The following RACK1 variants were observed in gnomAD, a reference collection of about 807,000 sequenced individuals.
RACK1 encodes receptor for activated C kinase 1, also known as small ribosomal subunit protein RACK1.
A neutral mutation model predicts 42.2 loss-of-function variants in RACK1; 3 were observed. That is an observed-to-expected ratio of 0.07 (90% CI 0.03 to 0.18). RACK1 has a LOEUF of 0.18. RACK1 is among the 10% of genes least tolerant of loss of function. The pLI, the probability that RACK1 is intolerant of heterozygous loss-of-function variation, is 1.00. For missense variants in RACK1, 146 were observed against 403.2 expected (o/e 0.36, Z 5.46); for synonymous variants, 181 against 154.8 (o/e 1.17, Z -1.25).
intron 1 of RACK1, 152 bp downstream of exon 1, chr5:181,243,540 A>T: frequency 7.2e-7 from 1 of 1,390,800 alleles, no homozygotes; most frequent in Non-Finnish European, 9.7e-7. Flanking sequence ...TCGGGTCCGC[A>T]CGCCCCAATT....
At chr5:181,240,788 A>G (rs1759314074) in intron 3 of RACK1, among the ~76,000 whole-genome samples, 1 of 152,212 alleles carries the variant, frequency 6.6e-6, no homozygotes, top group African/African-American at 2.4e-5. Flanking sequence ...TTGGCCTACC[A>G]GAGAGCTAGG....
rs750541644 is a variant in RACK1 at position 181,239,060 on chromosome 5, C to T, written c.636+7G>A. 2 of 1,593,368 alleles carry T rather than the reference C, an allele frequency of 1.3e-6. No homozygotes were observed. The highest frequency in any genetic ancestry group is 1.1e-5 in the South Asian group (1 of 90,640). On this transcript the variant is annotated splice_region_variant and intron_variant, in intron 5 of 7. Coordinates refer to ENST00000512805, the MANE Select transcript of RACK1 (RefSeq NM_006098.5). The stretch of plus-strand genomic sequence containing the variant: ...CACTGAGTAGGAGACGCCTTGTCCC[C>T]AAATACCTTGCCTCCAGAAGCACAG...
intron 1 of RACK1, chr5:181,243,214 G>C: frequency 2.4e-6 from 3 of 1,245,678 alleles, no homozygotes; most frequent in Non-Finnish European, 2.1e-6. Flanking sequence ...CACAGGGATA[G>C]GGACGGGGAG....
In RACK1 at chr5:181,239,310, C is replaced by T. The variant is rs141896951; in HGVS notation, c.526-133G>A. 3.8e-3 allele frequency: 2,934 copies of T among 766,768 alleles called. 28 individuals carry two copies. Among genetic ancestry groups the T allele is most frequent in the African/African-American group, 0.02 (1,172 of 59,018 alleles). The allele number at this position is 766,768 out of a possible 1,614,324, so 47.5% of individuals were successfully genotyped here. A position where few individuals can be genotyped will look rare whatever the true frequency, so the allele number is the denominator to read the frequency against. On this transcript the variant is annotated intron_variant, in intron 4 of 7. Transcript: ENST00000512805. ...TCAGTAACATGTCCTGGCCACTTCA[C>T]GTTAGATTATAACACATATCCAATG...
chr5:181,241,895 C>CT, intron 2 of RACK1: 1 of 766,576 alleles, frequency 1.3e-6, no homozygotes. Context: ...CCAGGACCCT[C>CT]TAATTCCACC....
chr5:181,239,716 A>T lies in RACK1; in HGVS notation c.430-134T>A, dbSNP rs1759268574. The T allele has an allele frequency of 5.0e-6, 3 of 596,594 alleles. No homozygotes were observed. The South Asian group carries it at 6.1e-5, about 12-fold the overall frequency. The allele number at this position is 596,594 out of a possible 1,614,324, so 37.0% of individuals were successfully genotyped here. ...CCAAGAACCCAAACCTTTAAGCTCA[A>T]TAGAATCCCTTTAGATTCCAGACAA... On this transcript the variant is annotated intron_variant, in intron 3 of 7. Coordinates refer to ENST00000512805, the MANE Select transcript of RACK1 (RefSeq NM_006098.5).
At chr5:181,241,329 C>T (rs1288383189) in intron 3 of RACK1, 163 bp downstream of exon 3, 4 of 630,834 alleles carry the variant, frequency 6.3e-6, no homozygotes, top group Admixed American at 2.7e-5. Context: ...ACTCGGGAGA[C>T]TGAGGCACCA....
chr5:181,238,338 C>G, intron 5 of RACK1, 99 bp from the exon 6 acceptor site: 2 of 1,256,244 alleles, frequency 1.6e-6, no homozygotes, highest in Admixed American at 3.7e-5. Flanking sequence ...ACCTTTCCTC[C>G]ATTACCCCAG....
intron 2 of RACK1, 146 bp downstream of exon 2, chr5:181,242,028 G>T (rs965668700): frequency 8.6e-6 from 7 of 812,220 alleles, no homozygotes; most frequent in African/African-American, 1.7e-5. Context: ...TTTAAAGTGA[G>T]GGAGGCCAAA....
Position 181,239,597 on chromosome 5 carries a change from A to C in RACK1, c.430-15T>G. ...TGGCTCTCATCCTACAGAAGATGGA[A>C]AGGAAATTAGGGCAAACAGTCCTAT... On this transcript the variant is annotated splice_polypyrimidine_tract_variant and intron_variant, in intron 3 of 7. Coordinates refer to ENST00000512805, the MANE Select transcript of RACK1 (RefSeq NM_006098.5). The C allele has an allele frequency of 6.3e-7, 1 of 1,579,430 alleles. No individual in the cohort carries two copies. Among genetic ancestry groups the C allele is most frequent in the Non-Finnish European group, 8.7e-7 (1 of 1,148,704 alleles).
chr5:181,238,062 G>C (rs1243136919), intron 6 of RACK1, 37 bp downstream of exon 6: 1 of 1,609,040 alleles, frequency 6.2e-7, no homozygotes, highest in Non-Finnish European at 8.5e-7. Context: ...GGCTCAGAGT[G>C]CAGCCAGGTA....
chr5:181,240,819 C>G (rs1032343244), intron 3 of RACK1: 23 of 152,216 alleles, frequency 1.5e-4, no homozygotes, highest in African/African-American at 5.3e-4. Context: ...TGAGCCCAGC[C>G]CAGACAAGAC....
intron 3 of RACK1, 170 bp downstream of exon 3, chr5:181,241,322 C>A: frequency 3.3e-6 from 2 of 611,966 alleles, no homozygotes; most frequent in Non-Finnish European, 2.9e-6. Context: ...ACCAGCTACT[C>A]GGGAGACTGA....
chr5:181,237,762 G>T (rs1582292632), intron 6 of RACK1, 43 bp from the exon 7 acceptor site: 4 of 900,400 alleles, frequency 4.4e-6, no homozygotes, highest in Non-Finnish European at 6.5e-6. Context: ...TACCAATCAA[G>T]AGAGTCTCCT....
chr5:181,242,317 G>C lies in RACK1; in HGVS notation c.138C>G (p.Thr46=), dbSNP rs1367294715. The change falls in exon 2 of 8, where the codon ACC becomes ACG. Residue 46 remains threonine, a synonymous_variant. Transcript: ENST00000512805. ...GAATTCCATAGTTGGTCTCATCCCT[G>C]GTCAGTTTCCACATGATGATGGTCT... is the stretch of plus-strand genomic sequence containing the variant. ...RDKTIIMWKL[T]RDETNYGIPQ... is the part of the protein sequence containing the mutation. The C allele has an allele frequency of 1.9e-6, 3 of 1,613,566 alleles. No individual in the cohort carries two copies. The highest frequency in any genetic ancestry group is 1.1e-5 in the South Asian group (1 of 91,020).
chr5:181,239,940 G>A (rs1320934855), intron 3 of RACK1, among the ~76,000 whole-genome samples: 1 of 152,130 alleles, frequency 6.6e-6, no homozygotes, highest in Admixed American at 6.5e-5. Flanking sequence ...AGCTACTGGG[G>A]AGGCTCAGGC....
chr5:181,240,769 C>T (rs2546404), intron 3 of RACK1, among the ~76,000 whole-genome samples: 20,837 of 152,152 alleles, frequency 0.14, 2,521 homozygotes, highest in African/African-American at 0.31. Context: ...CTCAAGCAGT[C>T]CTCCCACCTT....
In RACK1 at chr5:181,243,837, G is replaced by C. The variant is rs761337978; in HGVS notation, c.-37C>G. 1 of 1,563,010 alleles carries C rather than the reference G, an allele frequency of 6.4e-7. No homozygotes were observed. Among genetic ancestry groups the C allele is most frequent in the Admixed American group, 1.9e-5 (1 of 51,906 alleles). The stretch of plus-strand genomic sequence containing the variant: ...GAGCGTGTGTCGCTGCAGCGACGAG[G>C]ATGGCACTGGATGGCTTAGAGAAAC... On this transcript the variant is annotated 5_prime_UTR_variant, in exon 1 of 8. It adds an upstream start codon to the 5' untranslated region. Transcript: ENST00000512805.
At chr5:181,242,778 C>T in intron 1 of RACK1, 2 of 345,028 alleles carry the variant, frequency 5.8e-6, no homozygotes, top group South Asian at 4.3e-5. Context: ...AGGCTAGTCT[C>T]TAACTCCTGA....
Sources: gnomAD v4.1 joint callset for allele counts (sites outside exome capture counted in the v4.1 genomes callset) on GRCh38, gnomAD v4.1.1 for gene constraint, MANE v1.5 for transcripts, NCBI Gene and HGNC (gene_info 2026-07-23, HGNC 2026-07-21) for gene names.